NRXN3: variants seen among roughly 807,000 people sequenced by gnomAD.
NRXN3 encodes the protein neurexin III.
NRXN3 carries 32 observed loss-of-function variants against 137.6 expected under a neutral mutation model. The observed-to-expected ratio is 0.23, with a 90% CI of 0.18 to 0.31. The LOEUF is 0.31. Among genes scored for constraint, NRXN3 ranks in the 10% least tolerant of loss-of-function variants. The pLI is 1.00. For missense variants in NRXN3, 1,574 were observed against 2,062.5 expected, an observed-to-expected ratio of 0.76 and a Z score of 4.59; for synonymous variants, 798 against 784.5, an observed-to-expected ratio of 1.02 and a Z score of -0.29.
At chr14:79,792,821 G>A (rs891514785) in intron 19 of NRXN3, among the ~76,000 whole-genome samples, 1 of 152,182 alleles carries the variant, frequency 6.6e-6, no homozygotes. Flanking sequence ...GATTCCCTGT[G>A]ATCAGGTCTG....
intron 10 of NRXN3, among the ~76,000 whole-genome samples, chr14:78,953,831 T>C (rs2099391586): frequency 6.6e-6 from 1 of 152,214 alleles, no homozygotes. Flanking sequence ...AACTAATATG[T>C]ACCCAGTTGC....
intron 4 of NRXN3, among the ~76,000 whole-genome samples, chr14:78,361,263 A>G (rs576055508): frequency 6.6e-6 from 1 of 152,350 alleles, no homozygotes; most frequent in Non-Finnish European, 1.5e-5. Flanking sequence ...GTATATATCA[A>G]AAGCTTCCTG....
At chr14:79,301,075 ACTT>A (rs2085061357) in intron 15 of NRXN3, among the ~76,000 whole-genome samples, 1 of 152,060 alleles carries the variant, frequency 6.6e-6, no homozygotes, top group Non-Finnish European at 1.5e-5. Context: ...TATATATAAT[ACTT>A]CTAACTTTTC....
chr14:78,813,123 A>G (rs929648222), intron 10 of NRXN3, among the ~76,000 whole-genome samples: 4 of 152,242 alleles, frequency 2.6e-5, no homozygotes, highest in Non-Finnish European at 5.9e-5. Flanking sequence ...GCAAATAAGC[A>G]TAAATCTTTA....
chr14:79,676,890 G>A (rs1043312373), intron 17 of NRXN3, among the ~76,000 whole-genome samples: 1 of 151,936 alleles, frequency 6.6e-6, no homozygotes, highest in African/African-American at 2.4e-5. Context: ...GCCCTATAGT[G>A]CAAGAAAAGT....
chr14:78,591,055 G>A (rs2097111638), intron 4 of NRXN3, among the ~76,000 whole-genome samples: 1 of 152,162 alleles, frequency 6.6e-6, no homozygotes, highest in South Asian at 2.1e-4. Flanking sequence ...AGAGACCCCT[G>A]GCTTTAATTA....
chr14:79,440,855 G>T (rs1024073494), intron 15 of NRXN3, among the ~76,000 whole-genome samples: 3 of 152,174 alleles, frequency 2.0e-5, no homozygotes, highest in African/African-American at 7.2e-5. Context: ...TGCTAGCTTA[G>T]ATGGCTCTAG....
At chr14:79,434,313 C>G (rs2095809356) in intron 15 of NRXN3, among the ~76,000 whole-genome samples, 1 of 151,760 alleles carries the variant, frequency 6.6e-6, no homozygotes, top group African/African-American at 2.4e-5. Flanking sequence ...CACAGGTGCA[C>G]AATTTGGAAA....
At chr14:78,449,893 A>T (rs1219439326) in intron 4 of NRXN3, among the ~76,000 whole-genome samples, 1 of 152,188 alleles carries the variant, frequency 6.6e-6, no homozygotes, top group Non-Finnish European at 1.5e-5. Flanking sequence ...TCGATTCTCA[A>T]TTCAGTGTTC....
chr14:78,820,530 A>G (rs1312635043), intron 10 of NRXN3, among the ~76,000 whole-genome samples: 3 of 152,048 alleles, frequency 2.0e-5, no homozygotes, highest in Non-Finnish European at 1.5e-5. Flanking sequence ...TAGGGAAATA[A>G]AACTAAGAAG....
intron 4 of NRXN3, among the ~76,000 whole-genome samples, chr14:78,591,861 G>C (rs530491583): frequency 6.6e-6 from 1 of 152,314 alleles, no homozygotes; most frequent in Non-Finnish European, 1.5e-5. Context: ...TTCAGAAATA[G>C]CTTCCCCTCT....
In NRXN3 at chr14:78,253,590, G is replaced by A. The variant is rs368690437; in HGVS notation, c.709+9788G>A. ...CTTGGGAAGCTGAGGTGGGAGGATC[G>A]CTTGAACCCAGGAGATAAAGGCTGC... is the stretch of plus-strand genomic sequence containing the variant. On this transcript the variant is annotated intron_variant, in intron 2 of 20. Transcript: ENST00000335750. Among the ~76,000 whole-genome samples the A allele has an allele frequency of 2.0e-3, 299 of 152,144 alleles. 1 individual carries two copies. Among genetic ancestry groups the A allele is most frequent in the Non-Finnish European group, 3.3e-3 (222 of 67,978 alleles).
chr14:79,701,918 G>A (rs2154032326), intron 19 of NRXN3, among the ~76,000 whole-genome samples: 1 of 152,192 alleles, frequency 6.6e-6, no homozygotes, highest in East Asian at 1.9e-4. Flanking sequence ...ACCATTCAAA[G>A]TAAGACTGCA....
chr14:79,186,007 T>C (rs2063501466), intron 15 of NRXN3, among the ~76,000 whole-genome samples: 1 of 152,212 alleles, frequency 6.6e-6, no homozygotes. Context: ...CACCAGTTAC[T>C]GTCTGTCTGA....
chr14:78,892,922 T>C (rs1482778665), intron 10 of NRXN3, among the ~76,000 whole-genome samples: 1 of 151,842 alleles, frequency 6.6e-6, no homozygotes, highest in Non-Finnish European at 1.5e-5. Context: ...TTCTTTGTTA[T>C]GTAGCAATCA....
intron 15 of NRXN3, among the ~76,000 whole-genome samples, chr14:79,046,829 A>G (rs564842304): frequency 6.6e-6 from 1 of 152,346 alleles, no homozygotes; most frequent in South Asian, 2.1e-4. Context: ...ATATCATTCT[A>G]CTTTGAACCA....
chr14:79,472,628 A>G (rs933352328), intron 16 of NRXN3, among the ~76,000 whole-genome samples: 8 of 152,198 alleles, frequency 5.3e-5, no homozygotes, highest in African/African-American at 1.9e-4. Flanking sequence ...TTTAAAATCT[A>G]TTTCAAATGT....
chr14:78,594,940 C>T (rs947738536), intron 4 of NRXN3, among the ~76,000 whole-genome samples: 3 of 152,178 alleles, frequency 2.0e-5, no homozygotes, highest in African/African-American at 7.2e-5. Flanking sequence ...AATAAATTTA[C>T]TTACTTATTC....
intron 4 of NRXN3, among the ~76,000 whole-genome samples, chr14:78,403,087 AC>A (rs1432447159): frequency 6.6e-6 from 1 of 152,166 alleles, no homozygotes; most frequent in Non-Finnish European, 1.5e-5. Context: ...TGTTCAGCTA[AC>A]CGTGGGATTG....
Sources: gnomAD v4.1 joint callset for allele counts (sites outside exome capture counted in the v4.1 genomes callset) on GRCh38, gnomAD v4.1.1 for gene constraint, MANE v1.5 for transcripts, NCBI Gene and HGNC (gene_info 2026-07-23, HGNC 2026-07-21) for gene names.